The following FASTK variants were observed in gnomAD, a reference collection of about 807,000 sequenced individuals.
The protein encoded by FASTK is fas-activated serine/threonine kinase.
A neutral mutation model predicts 60.0 loss-of-function variants in FASTK; 28 were observed. The observed-to-expected ratio is 0.47, with a 90% CI of 0.35 to 0.64. The LOEUF (loss-of-function observed/expected upper bound fraction) is 0.64, where lower values mean the gene tolerates loss of function less well. Ranked by LOEUF, FASTK falls within the 30% of genes least tolerant of loss-of-function variation. FASTK has a pLI of 0.01. For synonymous variants in FASTK, 325 were observed against 307.9 expected (o/e 1.06, Z -0.58); for missense variants, 595 against 713.8 (o/e 0.83, Z 1.90).
intron 1 of FASTK, 194 bp from the exon 2 acceptor site, chr7:151,080,116 C>A: frequency 1.7e-6 from 1 of 593,824 alleles, no homozygotes. Context: ...ATCCTCAGTG[C>A]GCTCAGCGCA....
rs572064098 is a variant in FASTK at position 151,078,204 on chromosome 7, C to G, written c.826-112G>C. 1.5e-5 allele frequency: 12 copies of G among 792,172 alleles called. No individual in the cohort carries two copies. The South Asian group carries it at 1.8e-4, about 12-fold the overall frequency. The allele number at this position is 792,172 out of a possible 1,614,324, so 49.1% of individuals were successfully genotyped here. On this transcript the variant is annotated intron_variant, in intron 4 of 9. Transcript: ENST00000297532. ...CAGGTTTACAACACTGCTGTAAAGA[C>G]AGGACAGTCCCTCCGGCCTCACAGT...
In FASTK at chr7:151,079,837, AG is replaced by A; in HGVS notation, c.167del (p.Pro56LeufsTer87). The A allele has an allele frequency of 6.2e-7, 1 of 1,603,016 alleles. No homozygotes were observed. Among genetic ancestry groups the A allele is most frequent in the Non-Finnish European group, 8.5e-7 (1 of 1,174,966 alleles). ...GCCCCAAACAGCAGGGCTGTACTGG[AG>A]GGATCAGCAGCAGGCCAGACAGCCG... ...PARLSGLLLIPPVQPCCLGPS... is the reference protein window; with the variant it reads ...PARLSGLLLIXPVQPCCLGPS... On this transcript the variant is annotated frameshift_variant, in exon 2 of 10. Coordinates refer to ENST00000297532, the MANE Select transcript of FASTK (RefSeq NM_006712.5). LOFTEE classifies it high-confidence loss of function.
At position 151,080,770 on chromosome 7, in the gene FASTK, C is replaced by T. The variant is rs1010426546; in HGVS notation, c.-4G>A. 14 of 1,284,468 alleles carry T rather than the reference C, an allele frequency of 1.1e-5. No homozygotes were observed. In the Admixed American group the frequency reaches 4.2e-4, roughly 38 times the overall value. The allele number at this position is 1,284,468 out of a possible 1,614,324, so 79.6% of individuals were successfully genotyped here. On this transcript the variant is annotated 5_prime_UTR_variant, in exon 1 of 10. Transcript: ENST00000297532. ...GTTCCCCCCGCGGCCTCCTCATCGG[C>T]TAGCCACCGAGTCCGCCATCTTCCC...
chr7:151,079,802 C>G lies in FASTK; in HGVS notation c.203G>C (p.Trp68Ser), dbSNP rs766447561. ...GCCTCCTCCAACAGGCCGGTCCCCC[C>G]ATTTGCTGGGCCCCAAACAGCAGGG... ...VQPCCLGPSK[W>S]GDRPVGGGPS... The change falls in exon 2 of 10, where the codon TGG (tryptophan) becomes TCG (serine). Residue 68 changes from tryptophan to serine, a missense_variant. Physicochemically the swap from Trp to Ser is radical, Grantham distance 177 (BLOSUM62 -3). This residue lies in a region of FASTK where 124 missense variants were observed against 107.9 expected (regional missense o/e 1.15). Coordinates refer to ENST00000297532, the MANE Select transcript of FASTK (RefSeq NM_006712.5). The G allele has an allele frequency of 6.2e-7, 1 of 1,600,714 alleles. No individual in the cohort carries two copies. Among genetic ancestry groups the G allele is most frequent in the East Asian group, 2.3e-5 (1 of 44,214 alleles).
rs80032563 is a variant in FASTK at position 151,080,751 on chromosome 7, C to G, written c.16G>C (p.Gly6Arg). The G allele has an allele frequency of 6.9e-6, 9 of 1,302,828 alleles. No individual in the cohort carries two copies. Among genetic ancestry groups the G allele is most frequent in the Non-Finnish European group, 2.9e-6 (3 of 1,025,622 alleles). The allele number at this position is 1,302,828 out of a possible 1,614,324, so 80.7% of individuals were successfully genotyped here. MRRPRGEPGPRAPRPT... is the reference protein window; with the variant it reads MRRPRREPGPRAPRPT... Reference sequence around the variant, plus strand: ...CTCGGGGCCCGGGGGCCGGGTTCCCCCCGCGGCCTCCTCATCGGCTAGCCA... The same window carrying G: ...CTCGGGGCCCGGGGGCCGGGTTCCCGCCGCGGCCTCCTCATCGGCTAGCCA... The change falls in exon 1 of 10, where the codon GGG (glycine) becomes CGG (arginine). Residue 6 changes from glycine to arginine, a missense_variant. By Grantham distance (125) the Gly-to-Arg change is moderately radical. Coordinates refer to ENST00000297532, the MANE Select transcript of FASTK (RefSeq NM_006712.5).
At position 151,076,833 on chromosome 7, in the gene FASTK, C is replaced by T; in HGVS notation, c.1543-1G>A. The T allele has an allele frequency of 6.8e-6, 11 of 1,609,030 alleles. No individual in the cohort carries two copies. Among genetic ancestry groups the T allele is most frequent in the Non-Finnish European group, 9.3e-6 (11 of 1,177,686 alleles). ...GGGACTCCAGTTCCTCGAAGGGTAG[C>T]TGTGGGGAGAGGAGAGGGCGGCAGG... On this transcript the variant is annotated splice_acceptor_variant, in intron 9 of 9. Coordinates refer to ENST00000297532, the MANE Select transcript of FASTK (RefSeq NM_006712.5). LOFTEE classifies it high-confidence loss of function.
intron 1 of FASTK, 142 bp from the exon 2 acceptor site, chr7:151,080,064 C>G (rs1797904091): frequency 2.9e-6 from 2 of 684,432 alleles, no homozygotes; most frequent in Non-Finnish European, 4.9e-6. Flanking sequence ...TTCCCCACCC[C>G]GCCCCTCTGC....
intron 6 of FASTK, 64 bp from the exon 7 acceptor site, chr7:151,077,465 A>T: frequency 6.4e-7 from 1 of 1,560,328 alleles, no homozygotes; most frequent in Non-Finnish European, 8.8e-7. Context: ...GTCCCAGTCT[A>T]GTGCCACCAC....
intron 1 of FASTK, chr7:151,080,389 C>T: frequency 9.9e-7 from 1 of 1,014,816 alleles, no homozygotes; most frequent in Admixed American, 4.1e-5. Context: ...GGAACGCGGG[C>T]TCCGCGGCTG....
rs756967620 is a variant in FASTK at position 151,077,895 on chromosome 7, G to A, written c.1023C>T (p.Phe341=). ...GCTGCGTACCACTGATGTAGTTGAT[G>A]AAGCCAGGGGAAAAAACAAAGTGCA... ...RALHFVFSPG[F]INYISGTPHA... is the part of the protein sequence containing the mutation. The change falls in exon 5 of 10, where the codon TTC becomes TTT. Residue 341 remains phenylalanine, a synonymous_variant. Coordinates refer to ENST00000297532, the MANE Select transcript of FASTK (RefSeq NM_006712.5). 1.2e-6 allele frequency: 2 copies of A among 1,613,564 alleles called. No homozygotes were observed. Among genetic ancestry groups the A allele is most frequent in the East Asian group, 2.2e-5 (1 of 44,858 alleles).
At chr7:151,078,731 T>C (rs1199725676) in intron 3 of FASTK, 30 bp from the exon 4 acceptor site, 1 of 1,611,794 alleles carries the variant, frequency 6.2e-7, no homozygotes, top group African/African-American at 1.3e-5. Flanking sequence ...ACGCTGGGCC[T>C]CAGCCGGACC....
Position 151,077,199 on chromosome 7 carries a change from A to C in FASTK, c.1329T>G (p.Leu443=), listed in dbSNP as rs1252339748. Residue 443 remains leucine, a synonymous_variant, in exon 8 of 10, where the codon CTT becomes CTG. Coordinates refer to ENST00000297532, the MANE Select transcript of FASTK (RefSeq NM_006712.5). ...GGAAGGGGTCCTGGGTCCTCACGGG[A>C]AGCACAGCACCAGAGCTGCTGGCGC... ...LLCASSSGAV[L]PVRTQDPFLP... The C allele has an allele frequency of 1.2e-6, 2 of 1,612,872 alleles. No individual in the cohort carries two copies.
In FASTK at chr7:151,077,654, G is replaced by A. The variant is rs1471677189; in HGVS notation, c.1166C>T (p.Pro389Leu). The A allele has an allele frequency of 6.4e-7, 1 of 1,566,504 alleles. No individual in the cohort carries two copies. The highest frequency in any genetic ancestry group is 8.6e-7 in the Non-Finnish European group (1 of 1,156,488). The part of the protein sequence containing the change: ...RRQQVPIFPQ[P>L]LITDRARCKY... ...GCAGCGGGCACGGTCGGTGATGAGAGGCTGGGGAAAGATGGGCACTTGCTG... is the reference window on the plus strand; with the variant it reads ...GCAGCGGGCACGGTCGGTGATGAGAAGCTGGGGAAAGATGGGCACTTGCTG... Residue 389 changes from proline to leucine, a missense_variant, in exon 6 of 10, where the codon CCT becomes CTT. Pro to Leu is a moderately conservative substitution (Grantham distance 98, BLOSUM62 -3). Coordinates refer to ENST00000297532, the MANE Select transcript of FASTK (RefSeq NM_006712.5).
In FASTK at chr7:151,077,377, C is replaced by G. The variant is rs749718158; in HGVS notation, c.1224G>C (p.Gly408=). The G allele has an allele frequency of 6.2e-7, 1 of 1,612,702 alleles. No homozygotes were observed. Among genetic ancestry groups the G allele is most frequent in the South Asian group, 1.1e-5 (1 of 91,086 alleles). The change falls in exon 7 of 10, where the codon GGG becomes GGC. Residue 408 remains glycine, a synonymous_variant. Coordinates refer to ENST00000297532, the MANE Select transcript of FASTK (RefSeq NM_006712.5). ...KYSHKDIVAE[G]LRQLLGEEKY... is the part of the protein sequence containing the mutation. ...TCTCCTCCCCCAGCAGCTGGCGCAACCCCTCAGCTACTATGTCCTTGTGAC... is the reference window on the plus strand; with the variant it reads ...TCTCCTCCCCCAGCAGCTGGCGCAAGCCCTCAGCTACTATGTCCTTGTGAC...
intron 6 of FASTK, 60 bp from the exon 7 acceptor site, chr7:151,077,461 G>C: frequency 6.4e-7 from 1 of 1,568,614 alleles, no homozygotes. Context: ...ATCTGTCCCA[G>C]TCTAGTGCCA....
chr7:151,078,148 T>C (rs1172968624), intron 4 of FASTK, 56 bp from the exon 5 acceptor site: 4 of 1,368,744 alleles, frequency 2.9e-6, no homozygotes, highest in African/African-American at 2.9e-5. Flanking sequence ...AGTCATCTTT[T>C]ACAAGCTAAG....
At position 151,080,736 on chromosome 7, in the gene FASTK, G is replaced by A. The variant is rs1222088707; in HGVS notation, c.31C>T (p.Arg11Trp). 1.1e-5 allele frequency: 15 copies of A among 1,313,542 alleles called. No individual in the cohort carries two copies. The African/African-American group carries it at 2.3e-4, about 20-fold the overall frequency. The allele number at this position is 1,313,542 out of a possible 1,614,324, so 81.4% of individuals were successfully genotyped here. MRRPRGEPGP[R>W]APRPTEGATC... is the part of the protein sequence containing the mutation. ...GCTCCCTCAGTCGGTCTCGGGGCCCGGGGGCCGGGTTCCCCCCGCGGCCTC... is the reference window on the plus strand; with the variant it reads ...GCTCCCTCAGTCGGTCTCGGGGCCCAGGGGCCGGGTTCCCCCCGCGGCCTC... Residue 11 changes from arginine to tryptophan, a missense_variant, in exon 1 of 10, where the codon CGG (arginine) becomes TGG (tryptophan). Physicochemically the swap from Arg to Trp is moderately radical, Grantham distance 101. Coordinates refer to ENST00000297532, the MANE Select transcript of FASTK (RefSeq NM_006712.5).
chr7:151,079,450 T>A (rs1412260140), intron 2 of FASTK, 50 bp downstream of exon 2: 2 of 1,513,210 alleles, frequency 1.3e-6, no homozygotes. Context: ...TTCTCCCTAT[T>A]CTTCATTAAC....
In FASTK at chr7:151,076,678, T is replaced by C; in HGVS notation, c.*47A>G. ...AAAACACAGGGAACCAAAGTGCAAA[T>C]CATCCACCCCCCATGGGGGGGCCAT... On this transcript the variant is annotated 3_prime_UTR_variant, in exon 10 of 10. Coordinates refer to ENST00000297532, the MANE Select transcript of FASTK (RefSeq NM_006712.5). The C allele has an allele frequency of 4.0e-6, 5 of 1,238,384 alleles. No homozygotes were observed. The highest frequency in any genetic ancestry group is 5.6e-6 in the Non-Finnish European group (5 of 896,096). 76.7% of individuals were successfully genotyped at this position (1,238,384 alleles called of 1,614,324 possible). A position where few individuals can be genotyped will look rare whatever the true frequency, so the allele number is the denominator to read the frequency against.
Sources: gnomAD v4.1 joint callset for allele counts on GRCh38, gnomAD v4.1.1 for gene constraint, gnomAD v4.1.1 regional missense constraint, MANE v1.5 for transcripts, NCBI Gene and HGNC (gene_info 2026-07-23, HGNC 2026-07-21) for gene names.